TRIM23: variants seen among roughly 807,000 people sequenced by gnomAD.
TRIM23 encodes tripartite motif containing 23.
A neutral mutation model predicts 71.0 loss-of-function variants in TRIM23; 27 were observed. The observed-to-expected ratio is 0.38, with a 90% confidence interval of 0.28 to 0.52. The LOEUF (loss-of-function observed/expected upper bound fraction) is 0.52, where lower values mean the gene tolerates loss of function less well. Among genes scored for constraint, TRIM23 ranks in the 20% least tolerant of loss-of-function variants. The probability of loss-of-function intolerance (pLI) is 0.84; values close to 1 mark genes in which losing one functional copy is unlikely to be tolerated. For synonymous variants in TRIM23, 234 were observed against 238.0 expected, an observed-to-expected ratio of 0.98 and a Z score of 0.16; for missense variants, 482 against 692.3, an observed-to-expected ratio of 0.70 and a Z score of 3.41.
intron 9 of TRIM23, among the ~76,000 whole-genome samples, chr5:65,594,987 C>T (rs556194751): frequency 6.6e-6 from 1 of 152,210 alleles, no homozygotes; most frequent in Admixed American, 6.5e-5. Context: ...ACTTGTTCTT[C>T]GAATACTACT....
At chr5:65,598,156 T>G (rs1402182396) in intron 7 of TRIM23, among the ~76,000 whole-genome samples, 1 of 152,200 alleles carries the variant, frequency 6.6e-6, no homozygotes, top group Non-Finnish European at 1.5e-5. Flanking sequence ...CTACATATTT[T>G]CATTCTCTTC....
intron 1 of TRIM23, among the ~76,000 whole-genome samples, chr5:65,619,685 G>A: frequency 6.6e-6 from 1 of 152,266 alleles, no homozygotes; most frequent in Middle Eastern, 3.4e-3. Flanking sequence ...AAGGGTTTGG[G>A]AAGATAAAAA....
intron 6 of TRIM23, among the ~76,000 whole-genome samples, chr5:65,607,935 T>C (rs920201665): frequency 1.3e-5 from 2 of 152,136 alleles, no homozygotes; most frequent in African/African-American, 2.4e-5. Flanking sequence ...CTAAAACACA[T>C]AGGCATATTG....
At chr5:65,612,730 A>G (rs1167394492) in intron 3 of TRIM23, among the ~76,000 whole-genome samples, 1 of 152,168 alleles carries the variant, frequency 6.6e-6, no homozygotes, top group Non-Finnish European at 1.5e-5. Context: ...GAGGCACGAG[A>G]ATCACTTGAA....
chr5:65,605,162 G>A, intron 6 of TRIM23, 117 bp from the exon 7 acceptor site: 1 of 943,040 alleles, frequency 1.1e-6, no homozygotes, highest in South Asian at 2.2e-5. Context: ...AAAGTTAAAT[G>A]TAAATTTGAC....
rs1581171446 is a variant in TRIM23, at chr5:65,590,684, T to G, written c.*1085A>C. On this transcript the variant is annotated 3_prime_UTR_variant, in exon 11 of 11. Transcript: ENST00000231524. Reference sequence around the variant, plus strand: ...GAATAATTAATGTAAACTTTTTGAATTTTTTTTTTCTTTAGACATTTTTCC... The same window carrying G: ...GAATAATTAATGTAAACTTTTTGAAGTTTTTTTTTCTTTAGACATTTTTCC... 1 of 912,600 alleles carries G rather than the reference T, an allele frequency of 1.1e-6. No homozygotes were observed. The highest frequency in any genetic ancestry group is 1.3e-6 in the Non-Finnish European group (1 of 779,532). The allele number at this position is 912,600 out of a possible 1,614,324, so 56.5% of individuals were successfully genotyped here. A position where few individuals can be genotyped will look rare whatever the true frequency, so the allele number is the denominator to read the frequency against.
At position 65,591,386 on chromosome 5, in the gene TRIM23, A is replaced by C; in HGVS notation, c.*383T>G. 6.4e-7 allele frequency: 1 copy of C among 1,551,946 alleles called. No homozygotes were observed. The highest frequency in any genetic ancestry group is 1.2e-5 in the South Asian group (1 of 80,130). On this transcript the variant is annotated 3_prime_UTR_variant, in exon 11 of 11. Transcript: ENST00000231524. ...GCTATACTTCACTTGCTTCACACAG[A>C]GGTCTCATTAGGCACTCAATTGGCT... is the stretch of plus-strand genomic sequence containing the variant.
At chr5:65,595,557 CAAA>C (rs34701696) in intron 9 of TRIM23, among the ~76,000 whole-genome samples, 12 of 93,478 alleles carry the variant, frequency 1.3e-4, no homozygotes, top group Middle Eastern at 5.7e-3. Flanking sequence ...GACTCGATCT[CAAA>C]AAAAAAAAAA....
At chr5:65,618,840 A>C (rs895628931) in intron 1 of TRIM23, among the ~76,000 whole-genome samples, 4 of 152,206 alleles carry the variant, frequency 2.6e-5, no homozygotes, top group African/African-American at 9.6e-5. Context: ...TCTATCAATA[A>C]ATATAGCTCT....
intron 6 of TRIM23, among the ~76,000 whole-genome samples, chr5:65,605,289 C>T (rs748464532): frequency 3.9e-5 from 6 of 152,172 alleles, no homozygotes; most frequent in Admixed American, 1.3e-4. Flanking sequence ...ACCATAGCTA[C>T]ACGTGATGAT....
At chr5:65,620,789 C>CA (rs11411762) in intron 1 of TRIM23, among the ~76,000 whole-genome samples, 94,065 of 151,732 alleles carry the variant, frequency 0.62, 29,405 homozygotes, top group South Asian at 0.65. Flanking sequence ...TTATCAAATT[C>CA]TTTAGGCCAG....
chr5:65,605,325 G>A (rs181692196), intron 6 of TRIM23, among the ~76,000 whole-genome samples: 12 of 152,288 alleles, frequency 7.9e-5, no homozygotes, highest in Admixed American at 2.0e-4. Flanking sequence ...ATAATGTGGA[G>A]TATAAGAAGA....
chr5:65,614,156 T>C lies in TRIM23; in HGVS notation c.308A>G (p.Gln103Arg), dbSNP rs778635441. The change falls in exon 3 of 11, where the codon CAG becomes CGG. Residue 103 changes from glutamine (Q) to arginine (R), a missense_variant. By Grantham distance (43) the Gln-to-Arg change is conservative. Coordinates refer to ENST00000231524, the MANE Select transcript of TRIM23 (RefSeq NM_001656.4). ...TCCATACTGACCAATAGGCCCATTCTGCAGTCGTTCCAAAAGCTCCAATAA... is the reference window on the plus strand; with the variant it reads ...TCCATACTGACCAATAGGCCCATTCCGCAGTCGTTCCAAAAGCTCCAATAA... The part of the protein sequence containing the change: ...FALLELLERL[Q>R]NGPIGQYGAA... The C allele has an allele frequency of 3.7e-6, 6 of 1,614,124 alleles. No homozygotes were observed. Among genetic ancestry groups the C allele is most frequent in the Admixed American group, 1.7e-5 (1 of 60,024 alleles).
In TRIM23 at chr5:65,609,468, T is replaced by C. The variant is rs1160690878; in HGVS notation, c.829-10A>G. 1 of 1,607,520 alleles carries C rather than the reference T, an allele frequency of 6.2e-7. No individual in the cohort carries two copies. Among genetic ancestry groups the C allele is most frequent in the South Asian group, 1.1e-5 (1 of 89,844 alleles). ...CTGCAGTCCCTGGTACCTAAGAAAA[T>C]GAAAATAAATTTTAAGCAACTGTAA... On this transcript the variant is annotated splice_polypyrimidine_tract_variant and intron_variant, in intron 5 of 10. Transcript: ENST00000231524.
chr5:65,617,084 A>G (rs1203480204), intron 2 of TRIM23, among the ~76,000 whole-genome samples: 1 of 151,900 alleles, frequency 6.6e-6, no homozygotes, highest in African/African-American at 2.4e-5. Flanking sequence ...AAAAGACCAA[A>G]TAAAAGTACA....
In TRIM23 at chr5:65,590,539, C is replaced by T; in HGVS notation, c.*1230G>A. On this transcript the variant is annotated 3_prime_UTR_variant, in exon 11 of 11. Coordinates refer to ENST00000231524, the MANE Select transcript of TRIM23 (RefSeq NM_001656.4). ...AAGATTTAACTTCATCCTAATGTAT[C>T]AGAACATTAAAAAAAAAAAAGTCTC... 11 of 1,054,960 alleles carry T rather than the reference C, an allele frequency of 1.0e-5. No individual in the cohort carries two copies. Among genetic ancestry groups the T allele is most frequent in the Non-Finnish European group, 1.3e-5 (11 of 874,052 alleles). The allele number at this position is 1,054,960 out of a possible 1,614,324, so 65.3% of individuals were successfully genotyped here.
chr5:65,603,921 A>G (rs1366494615), intron 7 of TRIM23, among the ~76,000 whole-genome samples: 1 of 151,528 alleles, frequency 6.6e-6, no homozygotes, highest in African/African-American at 2.4e-5. Flanking sequence ...AATATTAGAG[A>G]TTCATTATTA....
chr5:65,616,016 C>T (rs1307654153), intron 2 of TRIM23, among the ~76,000 whole-genome samples: 1 of 152,196 alleles, frequency 6.6e-6, no homozygotes, highest in Non-Finnish European at 1.5e-5. Flanking sequence ...AAATCATAAA[C>T]CTTCTCTTAT....
intron 2 of TRIM23, 89 bp from the exon 3 acceptor site, chr5:65,614,308 T>C: frequency 8.0e-7 from 1 of 1,249,182 alleles, no homozygotes; most frequent in Non-Finnish European, 1.1e-6. Flanking sequence ...TCTAATATAG[T>C]TCAGTAGTTA....
Sources: allele counts gnomAD v4.1 joint callset (sites outside exome capture counted in the v4.1 genomes callset), GRCh38; gene constraint gnomAD v4.1.1; transcripts MANE v1.5; gene names NCBI Gene and HGNC (gene_info 2026-07-23, HGNC 2026-07-21).